ASIC2: variants seen among roughly 807,000 people sequenced by gnomAD.
ASIC2 encodes the protein acid-sensing ion channel 2.
In ASIC2, 25 loss-of-function variants were observed where a neutral mutation model predicts 57.3. That is an observed-to-expected ratio of 0.44 (90% CI 0.32 to 0.61). The LOEUF is 0.61. ASIC2 is among the 20% of genes least tolerant of loss of function. The probability of loss-of-function intolerance (pLI) is 0.06; values close to 1 mark genes in which losing one functional copy is unlikely to be tolerated. For synonymous variants in ASIC2, 319 were observed against 307.5 expected, an observed-to-expected ratio of 1.04 and a Z score of -0.39; for missense variants, 641 against 738.1, an observed-to-expected ratio of 0.87 and a Z score of 1.52.
chr17:33,533,510 C>G (rs1915125597), intron 1 of ASIC2: 3 of 152,166 alleles, frequency 2.0e-5, no homozygotes, highest in Non-Finnish European at 2.9e-5. Flanking sequence ...GACATCTTCT[C>G]TATCTATTAA....
intron 1 of ASIC2, among the ~76,000 whole-genome samples, chr17:33,407,390 C>T (rs1910508780): frequency 1.3e-5 from 2 of 152,268 alleles, no homozygotes; most frequent in South Asian, 4.2e-4. Flanking sequence ...TAATAACAAC[C>T]ATTGTTATTA....
intron 1 of ASIC2, among the ~76,000 whole-genome samples, chr17:33,255,400 G>A (rs569517550): frequency 6.6e-6 from 1 of 152,116 alleles, no homozygotes; most frequent in South Asian, 2.1e-4. Context: ...AAAAAAGAGA[G>A]TGGTTAGATC....
At chr17:33,332,860 C>T (rs1203323318) in intron 1 of ASIC2, among the ~76,000 whole-genome samples, 1 of 152,170 alleles carries the variant, frequency 6.6e-6, no homozygotes, top group African/African-American at 2.4e-5. Flanking sequence ...CACTGCACTC[C>T]AGCCTGGGTG....
At chr17:33,308,219 T>C (rs1418039661) in intron 1 of ASIC2, among the ~76,000 whole-genome samples, 1 of 152,192 alleles carries the variant, frequency 6.6e-6, no homozygotes, top group African/African-American at 2.4e-5. Context: ...ATTTCAGAAA[T>C]CTCTAAATTT....
chr17:33,073,584 C>A (rs2092077877), intron 3 of ASIC2, among the ~76,000 whole-genome samples: 1 of 152,174 alleles, frequency 6.6e-6, no homozygotes. Context: ...GCGACCATCA[C>A]AATGGGGATC....
At chr17:33,871,643 C>A (rs890833299) in intron 1 of ASIC2, among the ~76,000 whole-genome samples, 10 of 152,132 alleles carry the variant, frequency 6.6e-5, no homozygotes, top group African/African-American at 1.9e-4. Flanking sequence ...TCTCTCAGGG[C>A]AGCCTCCTTA....
intron 1 of ASIC2, among the ~76,000 whole-genome samples, chr17:33,479,022 C>T (rs148395714): frequency 0.025 from 3,762 of 152,110 alleles, 155 homozygotes; most frequent in African/African-American, 0.085. Context: ...TATTTTGAGA[C>T]GGAGTCTTGC....
chr17:33,804,347 C>T (rs999237078), intron 1 of ASIC2, among the ~76,000 whole-genome samples: 2 of 152,306 alleles, frequency 1.3e-5, no homozygotes, highest in Admixed American at 1.3e-4. Context: ...TGTAGCTGAG[C>T]CTTCTCTCAG....
intron 1 of ASIC2, among the ~76,000 whole-genome samples, chr17:33,162,673 T>G (rs1905194848): frequency 6.6e-6 from 1 of 152,338 alleles, no homozygotes; most frequent in South Asian, 2.1e-4. Context: ...GTAAACTGTC[T>G]CACACTCGGA....
intron 1 of ASIC2, among the ~76,000 whole-genome samples, chr17:33,654,216 C>G (rs1184348721): frequency 6.6e-6 from 1 of 152,194 alleles, no homozygotes; most frequent in Non-Finnish European, 1.5e-5. Context: ...CCCCCAATCC[C>G]TGAAGGAAAG....
intron 1 of ASIC2, among the ~76,000 whole-genome samples, chr17:33,801,715 C>A (rs759084609): frequency 2.6e-5 from 4 of 152,160 alleles, no homozygotes; most frequent in Non-Finnish European, 5.9e-5. Flanking sequence ...TTAGCCAGAA[C>A]CTTCAATGTC....
chr17:33,060,410 G>A (rs1253530830), intron 3 of ASIC2, among the ~76,000 whole-genome samples: 1 of 152,132 alleles, frequency 6.6e-6, no homozygotes, highest in Non-Finnish European at 1.5e-5. Context: ...ACCGTTTGTT[G>A]AATAGGGAAT....
chr17:33,815,497 G>T (rs1394017686), intron 1 of ASIC2, among the ~76,000 whole-genome samples: 1 of 152,140 alleles, frequency 6.6e-6, no homozygotes, highest in Non-Finnish European at 1.5e-5. Context: ...TTCCTGAAAA[G>T]GTCTTGACTT....
At chr17:33,417,109 A>G (rs1365286520) in intron 1 of ASIC2, among the ~76,000 whole-genome samples, 2 of 152,198 alleles carry the variant, frequency 1.3e-5, no homozygotes, top group African/African-American at 4.8e-5. Flanking sequence ...GTGTTCCTCT[A>G]GCTGCTGCAG....
intron 1 of ASIC2, among the ~76,000 whole-genome samples, chr17:33,694,469 T>A (rs1310970348): frequency 6.6e-6 from 1 of 152,212 alleles, no homozygotes; most frequent in Non-Finnish European, 1.5e-5. Context: ...AATACTTTCT[T>A]GCCTCAGTGT....
intron 3 of ASIC2, among the ~76,000 whole-genome samples, chr17:33,069,134 T>C (rs1045413832): frequency 6.6e-6 from 1 of 152,236 alleles, no homozygotes; most frequent in Non-Finnish European, 1.5e-5. Flanking sequence ...TTCTGAATAT[T>C]TGGAGATTTT....
Position 33,288,551 on chromosome 17 carries a change from T to A in ASIC2, c.708+2857A>T, listed in dbSNP as rs900324358. On this transcript the variant is annotated intron_variant, in intron 1 of 9. Transcript: ENST00000225823. Reference sequence around the variant, plus strand: ...AAAGGTTTGAAGAAGGGAAACCATGTGCTTTGAGCAGTGCTTTAGAGACTA... The same window carrying A: ...AAAGGTTTGAAGAAGGGAAACCATGAGCTTTGAGCAGTGCTTTAGAGACTA... Among the ~76,000 whole-genome samples, 3 of 152,154 alleles carry A rather than the reference T, an allele frequency of 2.0e-5. No individual in the cohort carries two copies. The East Asian group carries it at 5.8e-4, about 29-fold the overall frequency.
chr17:33,717,572 G>A (rs1909261697), intron 1 of ASIC2, among the ~76,000 whole-genome samples: 1 of 152,174 alleles, frequency 6.6e-6, no homozygotes. Context: ...CTGGAGCTGG[G>A]GTTCTCTGTT....
chr17:33,780,844 C>T (rs1199209018), intron 1 of ASIC2, among the ~76,000 whole-genome samples: 1 of 152,156 alleles, frequency 6.6e-6, no homozygotes, highest in Non-Finnish European at 1.5e-5. Context: ...GCTTTTGTGT[C>T]ACTCAGCCTA....
Sources: allele counts gnomAD v4.1 joint callset (sites outside exome capture counted in the v4.1 genomes callset), GRCh38; gene constraint gnomAD v4.1.1; transcripts MANE v1.5; gene names NCBI Gene and HGNC (gene_info 2026-07-23, HGNC 2026-07-21).